The following RHBDL3 variants were observed in gnomAD, a reference collection of about 807,000 sequenced individuals.
The protein encoded by RHBDL3 is rhomboid like 3.
In RHBDL3, 28 loss-of-function variants were observed where a neutral mutation model predicts 48.2. That is an observed-to-expected ratio of 0.58 (90% CI 0.43 to 0.80). The LOEUF (loss-of-function observed/expected upper bound fraction) is 0.80. RHBDL3 is among the 30% of genes least tolerant of loss of function. RHBDL3 has a pLI of 0.00. For synonymous variants in RHBDL3, 208 were observed against 232.3 expected (o/e 0.90, Z 0.95); for missense variants, 464 against 542.7 (o/e 0.85, Z 1.44).
At chr17:32,307,109 C>T (rs781017417) in intron 7 of RHBDL3, among the ~76,000 whole-genome samples, 6 of 152,040 alleles carry the variant, frequency 3.9e-5, no homozygotes, top group Non-Finnish European at 8.8e-5. Flanking sequence ...TATCAAAATC[C>T]TTTTTTTGGA....
At chr17:32,304,431 T>G (rs2040660294) in intron 6 of RHBDL3, among the ~76,000 whole-genome samples, 1 of 152,096 alleles carries the variant, frequency 6.6e-6, no homozygotes, top group African/African-American at 2.4e-5. Flanking sequence ...CAGGCTTTGG[T>G]CAAGAACACG....
intron 4 of RHBDL3, among the ~76,000 whole-genome samples, chr17:32,291,343 AAAAG>A (rs1187484372): frequency 2.6e-5 from 4 of 151,182 alleles, no homozygotes; most frequent in Non-Finnish European, 5.9e-5. Flanking sequence ...AAAAAAGAAA[AAAAG>A]AAAAAAAAAA....
At chr17:32,276,645 G>A (rs553998712) in intron 2 of RHBDL3, among the ~76,000 whole-genome samples, 7 of 150,384 alleles carry the variant, frequency 4.7e-5, no homozygotes, top group Non-Finnish European at 7.4e-5. Flanking sequence ...CCCTAGCACC[G>A]TACTCCAGCC....
At chr17:32,275,039 C>A (rs1010192681) in intron 2 of RHBDL3, among the ~76,000 whole-genome samples, 1 of 152,170 alleles carries the variant, frequency 6.6e-6, no homozygotes, top group Non-Finnish European at 1.5e-5. Flanking sequence ...CCTCCTTCTC[C>A]CTGGATCTGT....
chr17:32,294,180 T>C (rs2040398939), intron 4 of RHBDL3, 114 bp from the exon 5 acceptor site: 1 of 839,120 alleles, frequency 1.2e-6, no homozygotes, highest in African/African-American at 1.8e-5. Flanking sequence ...TATCCCTCTT[T>C]CTCTGAGAAG....
intron 3 of RHBDL3, among the ~76,000 whole-genome samples, chr17:32,285,482 G>T (rs1246029755): frequency 6.6e-6 from 1 of 152,120 alleles, no homozygotes; most frequent in East Asian, 1.9e-4. Flanking sequence ...CTGCCAAAGA[G>T]GCTGGAGAAG....
chr17:32,283,966 G>A (rs140039828), intron 2 of RHBDL3, among the ~76,000 whole-genome samples: 15 of 152,294 alleles, frequency 9.8e-5, no homozygotes, highest in East Asian at 9.7e-4. Context: ...CCAGGGAGAC[G>A]GAGGAAGAAA....
At chr17:32,294,541 C>A in intron 5 of RHBDL3, 99 bp downstream of exon 5, 1 of 1,212,962 alleles carries the variant, frequency 8.2e-7, no homozygotes, top group Non-Finnish European at 1.1e-6. Context: ...TTATTTTTAT[C>A]TATTTGGACA....
intron 2 of RHBDL3, among the ~76,000 whole-genome samples, chr17:32,274,538 G>C (rs2039849100): frequency 6.6e-6 from 1 of 152,190 alleles, no homozygotes. Context: ...TGATCTCTCA[G>C]CAGCCCTGTG....
At chr17:32,277,226 A>G (rs549605979) in intron 2 of RHBDL3, among the ~76,000 whole-genome samples, 2 of 152,314 alleles carry the variant, frequency 1.3e-5, no homozygotes, top group South Asian at 4.1e-4. Flanking sequence ...GCCTGTCTAG[A>G]GCATGGACAG....
chr17:32,314,700 TC>T (rs1162265611), intron 7 of RHBDL3, among the ~76,000 whole-genome samples: 1 of 152,112 alleles, frequency 6.6e-6, no homozygotes. Context: ...ATTAGATGAT[TC>T]CCAAGTTTCC....
Position 32,305,412 on chromosome 17 carries a change from G to A in RHBDL3, c.853G>A (p.Val285Ile), listed in dbSNP as rs1346143008. The change falls in exon 7 of 9, where the codon GTC becomes ATC. Residue 285 changes from valine (V) to isoleucine (I), a missense_variant. Coordinates refer to ENST00000269051, the MANE Select transcript of RHBDL3 (RefSeq NM_138328.3). The part of the protein sequence containing the change: ...VGSSGGVYAL[V>I]SAHLANIVMN... ...CTCTTCTGGAGGGGTGTATGCTCTC[G>A]TCTCTGCCCATCTGGCCAACATTGT... 35 of 1,613,290 alleles carry A rather than the reference G, an allele frequency of 2.2e-5. No individual in the cohort carries two copies. The highest frequency in any genetic ancestry group is 5.5e-5 in the South Asian group (5 of 91,062).
At chr17:32,286,899 G>A (rs1222210286) in intron 3 of RHBDL3, among the ~76,000 whole-genome samples, 1 of 152,184 alleles carries the variant, frequency 6.6e-6, no homozygotes, top group Non-Finnish European at 1.5e-5. Context: ...AGAAGAAGAG[G>A]CTCCTTTATC....
chr17:32,274,741 G>A (rs1668208726), intron 2 of RHBDL3, among the ~76,000 whole-genome samples: 1 of 152,306 alleles, frequency 6.6e-6, no homozygotes, highest in Admixed American at 6.5e-5. Context: ...TTGAGGGGGC[G>A]GAGCTTGCCC....
intron 2 of RHBDL3, among the ~76,000 whole-genome samples, chr17:32,283,352 C>T (rs756809993): frequency 9.5e-5 from 12 of 126,450 alleles, no homozygotes; most frequent in Admixed American, 3.8e-4. Context: ...GATGGAGTCT[C>T]GCTGTGTTGC....
rs1030674302 is a variant in RHBDL3, at chr17:32,324,604, G to A, written c.*3375G>A. ...TATTGTGTACATTCTGTATATTTTT[G>A]TTGTAACATATTATTTGAGCACAGA... On this transcript the variant is annotated 3_prime_UTR_variant, in exon 9 of 9. Coordinates refer to ENST00000269051, the MANE Select transcript of RHBDL3 (RefSeq NM_138328.3). 2.0e-5 allele frequency: 3 copies of A among 152,302 alleles called. No homozygotes were observed. Among genetic ancestry groups the A allele is most frequent in the Non-Finnish European group, 2.9e-5 (2 of 68,018 alleles). 9.4% of individuals were successfully genotyped at this position (152,302 alleles called of 1,614,324 possible).
intron 3 of RHBDL3, among the ~76,000 whole-genome samples, chr17:32,285,406 C>T (rs1228639225): frequency 6.6e-6 from 1 of 151,738 alleles, no homozygotes; most frequent in African/African-American, 2.4e-5. Flanking sequence ...GAGTGGGGGC[C>T]GGGAGGGTCA....
chr17:32,301,419 T>A (rs1221222294), intron 6 of RHBDL3, among the ~76,000 whole-genome samples: 1 of 144,642 alleles, frequency 6.9e-6, no homozygotes, highest in African/African-American at 2.6e-5. Context: ...AAAAAAAAAA[T>A]CAATATCACC....
At chr17:32,284,934 C>A in intron 3 of RHBDL3, 117 bp downstream of exon 3, 1 of 936,196 alleles carries the variant, frequency 1.1e-6, no homozygotes, top group Non-Finnish European at 1.6e-6. Flanking sequence ...TTGAAAAAGT[C>A]CAGGCTTCTG....
Sources: allele counts gnomAD v4.1 joint callset (sites outside exome capture counted in the v4.1 genomes callset), GRCh38; gene constraint gnomAD v4.1.1; transcripts MANE v1.5; gene names NCBI Gene and HGNC (gene_info 2026-07-23, HGNC 2026-07-21).